The following SLC8A1 variants were observed in gnomAD, a reference collection of about 807,000 sequenced individuals.
The protein encoded by SLC8A1 is solute carrier family 8 member A1.
In SLC8A1, 18 loss-of-function variants were observed where a neutral mutation model predicts 68.3. The observed-to-expected ratio is 0.26, with a 90% CI of 0.18 to 0.39. The LOEUF is 0.39. Ranked by LOEUF, SLC8A1 falls within the 10% of genes least tolerant of loss-of-function variation. The probability of loss-of-function intolerance (pLI) is 1.00; values close to 1 mark genes in which losing one functional copy is unlikely to be tolerated. For missense variants in SLC8A1, 985 were observed against 1,156.7 expected (o/e 0.85, Z 2.15); for synonymous variants, 475 against 415.5 (o/e 1.14, Z -1.74).
chr2:40,372,676 C>T (rs1678514266), intron 2 of SLC8A1, among the ~76,000 whole-genome samples: 1 of 152,090 alleles, frequency 6.6e-6, no homozygotes, highest in African/African-American at 2.4e-5. Context: ...GAAATTGCAA[C>T]ATTTTCCTGC....
At chr2:40,236,871 G>C (rs1216052232) in intron 2 of SLC8A1, among the ~76,000 whole-genome samples, 2 of 151,300 alleles carry the variant, frequency 1.3e-5, no homozygotes, top group Non-Finnish European at 3.0e-5. Context: ...GCTTAGTTTG[G>C]CTGGATATGA....
At chr2:40,134,091 G>GTTTGTTTT (rs138076618) in intron 7 of SLC8A1, among the ~76,000 whole-genome samples, 551 of 50,034 alleles carry the variant, frequency 0.011, 1 homozygote, top group Middle Eastern at 0.025. Flanking sequence ...TTGTTTGTTT[G>GTTTGTTTT]TTTGTGTTTT....
intron 2 of SLC8A1, among the ~76,000 whole-genome samples, chr2:40,196,728 T>C (rs1247887084): frequency 1.3e-5 from 2 of 152,034 alleles, no homozygotes; most frequent in Non-Finnish European, 2.9e-5. Flanking sequence ...TTTTCTTTCA[T>C]TATCTGTCTC....
intron 1 of SLC8A1, among the ~76,000 whole-genome samples, chr2:40,507,174 A>G (rs1706425043): frequency 6.6e-6 from 1 of 151,994 alleles, no homozygotes; most frequent in African/African-American, 2.4e-5. Context: ...GTCCCTCAAT[A>G]TAATACTAAC....
At chr2:40,308,603 G>C (rs537367285) in intron 2 of SLC8A1, among the ~76,000 whole-genome samples, 3 of 151,998 alleles carry the variant, frequency 2.0e-5, no homozygotes, top group Non-Finnish European at 2.9e-5. Flanking sequence ...CAATATCATA[G>C]TGCTATACTT....
exon 8 of SLC8A1, chr2:40,106,895 C>T (rs1017524504): frequency 6.6e-6 from 1 of 152,316 alleles, no homozygotes; most frequent in Middle Eastern, 3.4e-3. Flanking sequence ...ATTGACATTA[C>T]TGCCCCTTCT....
chr2:40,460,906 G>A (rs184277764), intron 1 of SLC8A1, among the ~76,000 whole-genome samples: 3 of 152,032 alleles, frequency 2.0e-5, no homozygotes, highest in South Asian at 2.1e-4. Context: ...TGCTATGGCC[G>A]GATATGTACT....
chr2:40,486,504 C>T (rs1704975678), intron 1 of SLC8A1, among the ~76,000 whole-genome samples: 1 of 152,110 alleles, frequency 6.6e-6, no homozygotes, highest in South Asian at 2.1e-4. Flanking sequence ...AGATATATTC[C>T]TCTTTCTAAC....
intron 2 of SLC8A1, among the ~76,000 whole-genome samples, chr2:40,356,229 T>C (rs1335508534): frequency 6.6e-6 from 1 of 152,168 alleles, no homozygotes; most frequent in Non-Finnish European, 1.5e-5. Flanking sequence ...TGAGGGTATC[T>C]CTGCTCCTTA....
chr2:40,269,058 G>C (rs1318256210), intron 2 of SLC8A1, among the ~76,000 whole-genome samples: 1 of 152,152 alleles, frequency 6.6e-6, no homozygotes, highest in African/African-American at 2.4e-5. Context: ...CGAAGATGAT[G>C]GGTCTATGAG....
intron 2 of SLC8A1, among the ~76,000 whole-genome samples, chr2:40,323,069 T>C (rs2075394890): frequency 6.6e-6 from 1 of 152,256 alleles, no homozygotes; most frequent in South Asian, 2.1e-4. Context: ...TGGACAGAGA[T>C]TACTGACAGA....
At chr2:40,439,161 G>A (rs773078329) in intron 1 of SLC8A1, among the ~76,000 whole-genome samples, 40 of 152,046 alleles carry the variant, frequency 2.6e-4, no homozygotes, top group Non-Finnish European at 1.3e-4. Context: ...CCAAAAGGGA[G>A]ATTAAAGCAC....
chr2:40,455,463 C>T (rs1441364757), upstream of SLC8A1, among the ~76,000 whole-genome samples: 3 of 152,170 alleles, frequency 2.0e-5, no homozygotes, highest in African/African-American at 7.2e-5. Flanking sequence ...CGTCCCTCAC[C>T]TCATTTCTTA....
intron 2 of SLC8A1, among the ~76,000 whole-genome samples, chr2:40,425,027 T>C (rs1029068398): frequency 2.0e-5 from 3 of 151,860 alleles, no homozygotes; most frequent in Non-Finnish European, 1.5e-5. Context: ...AATTAGCATA[T>C]TCTTAATTTA....
intron 2 of SLC8A1, among the ~76,000 whole-genome samples, chr2:40,231,489 T>C (rs1434470574): frequency 6.6e-6 from 1 of 152,080 alleles, no homozygotes; most frequent in Non-Finnish European, 1.5e-5. Flanking sequence ...CCCCCACTTT[T>C]CACACTCTTT....
intron 2 of SLC8A1, among the ~76,000 whole-genome samples, chr2:40,249,757 T>G (rs926240946): frequency 1.3e-4 from 20 of 152,216 alleles, no homozygotes; most frequent in African/African-American, 4.8e-4. Flanking sequence ...CTGAGAGGAC[T>G]GACAAGCTAT....
At chr2:40,407,290 T>G (rs1003797752) in intron 2 of SLC8A1, among the ~76,000 whole-genome samples, 10 of 152,180 alleles carry the variant, frequency 6.6e-5, no homozygotes, top group Non-Finnish European at 1.2e-4. Flanking sequence ...GGTCTGGAAC[T>G]CCTGACCTCC....
At chr2:40,304,867 G>A (rs1008049913) in intron 2 of SLC8A1, among the ~76,000 whole-genome samples, 3 of 152,114 alleles carry the variant, frequency 2.0e-5, no homozygotes, top group African/African-American at 7.2e-5. Context: ...GAATCCCTTT[G>A]CCTATTTTTG....
chr2:40,155,059 C>A (rs907212763), intron 6 of SLC8A1, among the ~76,000 whole-genome samples: 1 of 152,066 alleles, frequency 6.6e-6, no homozygotes, highest in Non-Finnish European at 1.5e-5. Flanking sequence ...ATTGGTAACA[C>A]CCTCCTCCTT....
Sources: gnomAD v4.1 joint callset for allele counts (sites outside exome capture counted in the v4.1 genomes callset) on GRCh38, gnomAD v4.1.1 for gene constraint, MANE v1.5 for transcripts, NCBI Gene and HGNC (gene_info 2026-07-23, HGNC 2026-07-21) for gene names.